The following KIAA1217 variants were observed in gnomAD, a reference collection of about 807,000 sequenced individuals.
KIAA1217 encodes sickle tail protein homolog.
Under a neutral mutation model 163.9 loss-of-function variants are expected in KIAA1217, and 88 were observed. That is an observed-to-expected ratio of 0.54 (90% CI 0.45 to 0.64). The LOEUF is 0.64. Ranked by LOEUF, KIAA1217 falls within the 30% of genes least tolerant of loss-of-function variation. KIAA1217 has a pLI of 0.00. For synonymous variants in KIAA1217, 903 were observed against 923.1 expected, an observed-to-expected ratio of 0.98 and a Z score of 0.39; for missense variants, 2,372 against 2,475.0, an observed-to-expected ratio of 0.96 and a Z score of 0.88.
At chr10:24,324,867 T>C (rs2133383402) in intron 2 of KIAA1217, among the ~76,000 whole-genome samples, 1 of 152,320 alleles carries the variant, frequency 6.6e-6, no homozygotes, top group South Asian at 2.1e-4. Flanking sequence ...TTATCATGTT[T>C]CCCTAACAAT....
At chr10:24,513,474 CA>C in intron 10 of KIAA1217, 40 bp downstream of exon 10, 1 of 1,593,428 alleles carries the variant, frequency 6.3e-7, no homozygotes, top group Non-Finnish European at 8.6e-7. Flanking sequence ...GTTTCACCTG[CA>C]AAGGAAAATT....
intron 1 of KIAA1217, among the ~76,000 whole-genome samples, chr10:23,855,883 C>G (rs977777603): frequency 8.5e-5 from 13 of 152,170 alleles, no homozygotes; most frequent in South Asian, 4.1e-4. Context: ...AAGCACTTCT[C>G]TGATTGGTTA....
intron 6 of KIAA1217, among the ~76,000 whole-genome samples, chr10:24,475,234 A>T (rs2063881914): frequency 6.6e-6 from 1 of 152,158 alleles, no homozygotes. Flanking sequence ...GAAAAAAGAA[A>T]AATAAGGTGT....
At chr10:24,153,663 C>T (rs1365973671) in intron 2 of KIAA1217, among the ~76,000 whole-genome samples, 1 of 152,160 alleles carries the variant, frequency 6.6e-6, no homozygotes, top group African/African-American at 2.4e-5. Flanking sequence ...TTTGCTAGAT[C>T]ACTGCTTTCT....
intron 1 of KIAA1217, among the ~76,000 whole-genome samples, chr10:24,002,294 T>C (rs976483616): frequency 6.6e-6 from 1 of 152,184 alleles, no homozygotes; most frequent in Non-Finnish European, 1.5e-5. Flanking sequence ...AATTCATTCT[T>C]AGTCTCCTCT....
intron 2 of KIAA1217, among the ~76,000 whole-genome samples, chr10:24,061,531 T>C (rs1182925124): frequency 6.6e-6 from 1 of 152,244 alleles, no homozygotes; most frequent in Non-Finnish European, 1.5e-5. Context: ...GTGTCCTTTG[T>C]TATAAGTTGG....
chr10:24,104,988 G>T (rs1402429629), intron 2 of KIAA1217, among the ~76,000 whole-genome samples: 1 of 152,078 alleles, frequency 6.6e-6, no homozygotes, highest in African/African-American at 2.4e-5. Context: ...TTTAGATTCT[G>T]TAATTTTCTA....
At chr10:24,115,606 G>A (rs999155717) in intron 2 of KIAA1217, among the ~76,000 whole-genome samples, 1 of 152,190 alleles carries the variant, frequency 6.6e-6, no homozygotes, top group African/African-American at 2.4e-5. Flanking sequence ...TACTCACTGA[G>A]AGCAGAGACC....
chr10:24,481,497 C>T (rs1009292730), intron 6 of KIAA1217: 14 of 152,278 alleles, frequency 9.2e-5, no homozygotes, highest in African/African-American at 2.9e-4. Context: ...GCTTGAGCTC[C>T]AGAGAAAGAT....
intron 2 of KIAA1217, among the ~76,000 whole-genome samples, chr10:24,017,978 C>T (rs1225774617): frequency 2.0e-5 from 3 of 152,056 alleles, no homozygotes; most frequent in African/African-American, 7.2e-5. Flanking sequence ...CCTTCAATAT[C>T]TCCAACCACA....
At chr10:23,733,232 C>T (rs953032498) in intron 1 of KIAA1217, among the ~76,000 whole-genome samples, 1 of 152,040 alleles carries the variant, frequency 6.6e-6, no homozygotes. Context: ...AGGCTGGTCT[C>T]GAACTGCTGA....
chr10:24,228,279 A>G (rs1183185418), intron 2 of KIAA1217, among the ~76,000 whole-genome samples: 2 of 152,006 alleles, frequency 1.3e-5, no homozygotes, highest in Non-Finnish European at 2.9e-5. Context: ...CAACAACAAA[A>G]AATCAAATAT....
At chr10:24,305,520 G>A (rs2041910550) in intron 2 of KIAA1217, among the ~76,000 whole-genome samples, 1 of 152,186 alleles carries the variant, frequency 6.6e-6, no homozygotes, top group Admixed American at 6.5e-5. Context: ...GTTTTGGGAA[G>A]GGACTATTAT....
At chr10:23,714,165 A>G (rs907617069) in intron 1 of KIAA1217, among the ~76,000 whole-genome samples, 2 of 151,906 alleles carry the variant, frequency 1.3e-5, no homozygotes, top group Admixed American at 1.3e-4. Flanking sequence ...TTCTAAATAC[A>G]TATTTCCCCT....
rs35194310 is a variant in KIAA1217, at chr10:23,938,669, T to TA, written c.-320-68545dup. ...TAAGTCATCTAGAGATGATTTAGAGTAAAAAAAAAAAGGATGTGCCTCGGT... is the reference window on the plus strand; with the variant it reads ...TAAGTCATCTAGAGATGATTTAGAGTAAAAAAAAAAAAGGATGTGCCTCGGT... On this transcript the variant is annotated intron_variant, in intron 1 of 18. Coordinates refer to the KIAA1217 transcript ENST00000376462. Among the ~76,000 whole-genome samples, 634 of 146,330 alleles carry TA rather than the reference T, an allele frequency of 4.3e-3. 2 individuals are homozygous for TA. Among genetic ancestry groups the TA allele is most frequent in the African/African-American group, 0.013 (532 of 39,870 alleles).
chr10:24,339,476 T>C (rs748135945), intron 2 of KIAA1217, among the ~76,000 whole-genome samples: 4 of 152,222 alleles, frequency 2.6e-5, no homozygotes, highest in Non-Finnish European at 5.9e-5. Context: ...AAGCTCAGAA[T>C]CAATATTACA....
In KIAA1217 at chr10:23,790,557, G is replaced by GTATATA. The variant is rs1564424234; in HGVS notation, c.-321+95325_-321+95326insTATATA. ...CATATACATGTGCATATATACATAT[G>GTATATA]TACATATGTATATATACATATGTAT... is the stretch of plus-strand genomic sequence containing the variant. On this transcript the variant is annotated intron_variant, in intron 1 of 18. Transcript: ENST00000376462. Among the ~76,000 whole-genome samples, 16 of 69,470 alleles carry GTATATA rather than the reference G, an allele frequency of 2.3e-4. 1 individual carries two copies. The highest frequency in any genetic ancestry group is 1.7e-3 in the African/African-American group (15 of 8,754). The allele number at this position is 69,470 out of a possible 152,430, so 45.6% of individuals were successfully genotyped here.
At chr10:23,792,630 C>A (rs572297487) in intron 1 of KIAA1217, among the ~76,000 whole-genome samples, 42 of 151,140 alleles carry the variant, frequency 2.8e-4, no homozygotes, top group Non-Finnish European at 5.5e-4. Flanking sequence ...GTAACTGGGA[C>A]TACAGGCGCC....
At position 24,531,862 on chromosome 10, in the gene KIAA1217, A is replaced by G; in HGVS notation, c.3115A>G (p.Lys1039Glu). The change falls in exon 15 of 21, where the codon AAG (lysine) becomes GAG (glutamate). Residue 1039 changes from lysine (K) to glutamate (E), a missense_variant. Physicochemically the swap from Lys to Glu is moderately conservative, Grantham distance 56. Coordinates refer to ENST00000376454, the MANE Select transcript of KIAA1217 (RefSeq NM_019590.5). ...TCCAAATTCGGAACAGGACTTGGAA[A>G]AGCTGGGGGGAAAGTCGCCCCCTCC... The part of the protein sequence containing the change: ...DSPNSEQDLE[K>E]LGGKSPPPPP... 2.5e-6 allele frequency: 4 copies of G among 1,606,556 alleles called. No homozygotes were observed. The highest frequency in any genetic ancestry group is 3.4e-6 in the Non-Finnish European group (4 of 1,175,642).
Sources: gnomAD v4.1 joint callset for allele counts (sites outside exome capture counted in the v4.1 genomes callset) on GRCh38, gnomAD v4.1.1 for gene constraint, MANE v1.5 for transcripts, NCBI Gene and HGNC (gene_info 2026-07-23, HGNC 2026-07-21) for gene names.